CLMN: variants seen among roughly 807,000 people sequenced by gnomAD.
CLMN encodes calmin (calponin-like, transmembrane).
CLMN carries 57 observed loss-of-function variants against 92.7 expected under a neutral mutation model. The ratio of observed to expected loss-of-function variants is 0.61; its 90% CI spans 0.50 to 0.77. CLMN has a LOEUF of 0.77. CLMN is among the 30% of genes least tolerant of loss of function. CLMN has a pLI of 0.00. For synonymous variants in CLMN, 466 were observed against 470.6 expected (o/e 0.99, Z 0.13); for missense variants, 1,158 against 1,237.5 (o/e 0.94, Z 0.96).
chr14:95,264,561 T>C (rs1316549326), intron 1 of CLMN, among the ~76,000 whole-genome samples: 2 of 152,146 alleles, frequency 1.3e-5, no homozygotes, highest in Admixed American at 6.5e-5. Flanking sequence ...AAGGTTACAC[T>C]ACTAGAAAAT....
chr14:95,200,978 T>C (rs920399030), intron 9 of CLMN, among the ~76,000 whole-genome samples: 3 of 139,138 alleles, frequency 2.2e-5, no homozygotes, highest in Non-Finnish European at 1.5e-5. Flanking sequence ...TAGTGGTAAG[T>C]TATGAGAGAA....
intron 7 of CLMN, among the ~76,000 whole-genome samples, chr14:95,210,232 A>G (rs539858449): frequency 1.3e-5 from 2 of 151,752 alleles, no homozygotes; most frequent in East Asian, 3.9e-4. Context: ...TTGTATTATT[A>G]GTGGAGATGG....
At chr14:95,295,164 G>A (rs999846931) in intron 1 of CLMN, among the ~76,000 whole-genome samples, 8 of 152,144 alleles carry the variant, frequency 5.3e-5, no homozygotes, top group African/African-American at 1.4e-4. Context: ...TAATAAGCTC[G>A]ATGCAATTTT....
At chr14:95,208,669 T>C (rs1013670928) in intron 8 of CLMN, among the ~76,000 whole-genome samples, 3 of 152,230 alleles carry the variant, frequency 2.0e-5, no homozygotes, top group African/African-American at 7.2e-5. Flanking sequence ...TTAATGCACG[T>C]TACATGTAAA....
chr14:95,276,713 T>G (rs967918803), intron 1 of CLMN, among the ~76,000 whole-genome samples: 2 of 152,188 alleles, frequency 1.3e-5, no homozygotes, highest in African/African-American at 4.8e-5. Flanking sequence ...TGGAGGTCAC[T>G]GCACCCCACT....
At chr14:95,261,571 A>G (rs1899257270) in intron 1 of CLMN, among the ~76,000 whole-genome samples, 2 of 152,236 alleles carry the variant, frequency 1.3e-5, no homozygotes, top group Non-Finnish European at 2.9e-5. Flanking sequence ...AGGCTGCAAT[A>G]TTCCCTGCAG....
chr14:95,306,111 G>A (rs2140787949), intron 1 of CLMN, among the ~76,000 whole-genome samples: 1 of 152,226 alleles, frequency 6.6e-6, no homozygotes, highest in African/African-American at 2.4e-5. Flanking sequence ...GAAGCGAGGG[G>A]GACCACAGGT....
intron 1 of CLMN, among the ~76,000 whole-genome samples, chr14:95,279,142 AT>A (rs1344791492): frequency 6.6e-6 from 1 of 152,254 alleles, no homozygotes; most frequent in Non-Finnish European, 1.5e-5. Context: ...CTTAAATCAA[AT>A]ATTTTGTCAG....
intron 1 of CLMN, 97 bp downstream of exon 1, chr14:95,319,614 C>T: frequency 3.0e-6 from 3 of 987,338 alleles, no homozygotes; most frequent in Non-Finnish European, 4.4e-6. Flanking sequence ...GAGCGGCCGG[C>T]GAGCGGGGGC....
At chr14:95,290,399 A>G (rs1014660029) in intron 1 of CLMN, among the ~76,000 whole-genome samples, 1 of 152,252 alleles carries the variant, frequency 6.6e-6, no homozygotes, top group African/African-American at 2.4e-5. Flanking sequence ...CCGTAGTCTC[A>G]GGGAGGGCCT....
At chr14:95,243,823 C>T (rs1399405266) in intron 1 of CLMN, among the ~76,000 whole-genome samples, 1 of 150,964 alleles carries the variant, frequency 6.6e-6, no homozygotes, top group African/African-American at 2.4e-5. Flanking sequence ...GTAAAAGCAG[C>T]TTCTGATATG....
intron 1 of CLMN, among the ~76,000 whole-genome samples, chr14:95,291,189 A>G (rs1234049434): frequency 6.6e-6 from 1 of 152,230 alleles, no homozygotes; most frequent in Non-Finnish European, 1.5e-5. Context: ...TACTGATGAC[A>G]ACATTCACCC....
intron 9 of CLMN, among the ~76,000 whole-genome samples, chr14:95,198,682 G>C (rs1220137028): frequency 6.6e-6 from 1 of 152,132 alleles, no homozygotes; most frequent in African/African-American, 2.4e-5. Context: ...ATGTAAGATG[G>C]AGTTCAAATC....
At position 95,282,203 on chromosome 14, in the gene CLMN, G is replaced by C. The variant is rs569213892; in HGVS notation, c.82+37508C>G. Among the ~76,000 whole-genome samples, 272 of 152,288 alleles carry C rather than the reference G, an allele frequency of 1.8e-3. 2 individuals are homozygous for C. Among genetic ancestry groups the C allele is most frequent in the African/African-American group, 6.0e-3 (251 of 41,534 alleles). On this transcript the variant is annotated intron_variant, in intron 1 of 12. Coordinates refer to ENST00000298912, the MANE Select transcript of CLMN (RefSeq NM_024734.4). ...TTTGATTTTGCAGGAGCAGAGGATGGGGCAGAAGGCAAATGCCAGATCTTG... is the reference window on the plus strand; with the variant it reads ...TTTGATTTTGCAGGAGCAGAGGATGCGGCAGAAGGCAAATGCCAGATCTTG...
At chr14:95,239,112 C>T (rs1296119582) in intron 1 of CLMN, among the ~76,000 whole-genome samples, 1 of 152,208 alleles carries the variant, frequency 6.6e-6, no homozygotes, top group Admixed American at 6.5e-5. Flanking sequence ...GGGATTTTAA[C>T]ATTCACCCAG....
chr14:95,192,132 C>T (rs1048645996), intron 12 of CLMN: 5 of 164,142 alleles, frequency 3.0e-5, no homozygotes, highest in East Asian at 1.8e-4. Flanking sequence ...GAGAGTGACA[C>T]GGAGTTAGAT....
intron 1 of CLMN, among the ~76,000 whole-genome samples, chr14:95,249,898 C>A (rs1356405637): frequency 6.6e-6 from 1 of 152,206 alleles, no homozygotes; most frequent in East Asian, 1.9e-4. Context: ...CATTTCCCAG[C>A]CTTCTTGCAC....
intron 1 of CLMN, among the ~76,000 whole-genome samples, chr14:95,245,594 G>A (rs552154897): frequency 6.8e-6 from 1 of 147,888 alleles, no homozygotes; most frequent in African/African-American, 2.5e-5. Flanking sequence ...GTGGGTGGAT[G>A]GATGGATGAA....
Position 95,186,428 on chromosome 14 carries a change from CA to C in CLMN, c.*5135del, listed in dbSNP as rs1342016826. 1 of 152,228 alleles carries C rather than the reference CA, an allele frequency of 6.6e-6. No homozygotes were observed. The highest frequency in any genetic ancestry group is 2.4e-5 in the African/African-American group (1 of 41,460). The allele number at this position is 152,228 out of a possible 1,614,324, so 9.4% of individuals were successfully genotyped here. ...GCCTTGGTGGGAGAACATCTCCCCACAAAGGTCAGGTCTGACCAGGAAGCCC... is the reference window on the plus strand; with the variant it reads ...GCCTTGGTGGGAGAACATCTCCCCACAAGGTCAGGTCTGACCAGGAAGCCC... On this transcript the variant is annotated 3_prime_UTR_variant, in exon 13 of 13. Coordinates refer to ENST00000298912, the MANE Select transcript of CLMN (RefSeq NM_024734.4).
Sources: gnomAD v4.1 joint callset for allele counts (sites outside exome capture counted in the v4.1 genomes callset) on GRCh38, gnomAD v4.1.1 for gene constraint, MANE v1.5 for transcripts, NCBI Gene and HGNC (gene_info 2026-07-23, HGNC 2026-07-21) for gene names.